Variants in NELL1 observed in about 807,000 individuals in gnomAD.
NELL1 encodes protein kinase C-binding protein NELL1.
NELL1 carries 76 observed loss-of-function variants against 107.4 expected under a neutral mutation model. That is an observed-to-expected ratio of 0.71 (90% CI 0.59 to 0.86). The LOEUF is 0.86. NELL1 is among the 40% of genes least tolerant of loss of function. NELL1 has a pLI of 0.00. For missense variants in NELL1, 1,024 were observed against 1,005.5 expected (o/e 1.02, Z -0.25); for synonymous variants, 353 against 341.2 (o/e 1.03, Z -0.38).
intron 2 of NELL1, among the ~76,000 whole-genome samples, chr11:20,757,409 G>A (rs547985959): frequency 9.9e-5 from 15 of 152,128 alleles, no homozygotes; most frequent in Non-Finnish European, 2.2e-4. Context: ...CAGTAGGAAT[G>A]GTGAGACTCA....
intron 5 of NELL1, among the ~76,000 whole-genome samples, chr11:20,894,782 T>C (rs1261697591): frequency 6.6e-6 from 1 of 152,184 alleles, no homozygotes; most frequent in Admixed American, 6.5e-5. Context: ...TAATGTCTAA[T>C]AGAGATATGC....
Position 20,876,218 on chromosome 11 carries a change from G to A in NELL1, c.507-9226G>A, listed in dbSNP as rs545296233. ...CTTGGAATTCAATCCTTACCTGTTG[G>A]GGGCATACTGTATTCATCCCCATAG... On this transcript the variant is annotated intron_variant, in intron 4 of 19. Coordinates refer to ENST00000357134, the MANE Select transcript of NELL1 (RefSeq NM_006157.5). 5.9e-5 allele frequency among the ~76,000 whole-genome samples: 9 copies of A among 152,222 alleles called. No homozygotes were observed. The East Asian group carries it at 1.7e-3, about 29-fold the overall frequency.
intron 12 of NELL1, among the ~76,000 whole-genome samples, chr11:21,069,616 TC>T (rs1853962959): frequency 6.6e-6 from 1 of 152,204 alleles, no homozygotes; most frequent in African/African-American, 2.4e-5. Context: ...AAGCTACTCT[TC>T]CATACAAAGC....
intron 2 of NELL1, among the ~76,000 whole-genome samples, chr11:20,704,181 G>A (rs1430398787): frequency 3.3e-5 from 5 of 152,116 alleles, no homozygotes; most frequent in African/African-American, 1.2e-4. Context: ...TATGAATCTG[G>A]GAGCTGCTGT....
intron 15 of NELL1, among the ~76,000 whole-genome samples, chr11:21,409,959 A>T (rs1456722270): frequency 1.3e-5 from 2 of 152,226 alleles, no homozygotes; most frequent in South Asian, 4.1e-4. Context: ...AAATGAGTTT[A>T]AATTTTTTTA....
At chr11:20,857,551 T>A (rs1848905681) in intron 4 of NELL1, among the ~76,000 whole-genome samples, 1 of 152,168 alleles carries the variant, frequency 6.6e-6, no homozygotes. Flanking sequence ...GCAGGTCTCC[T>A]GTGAGTGTGG....
intron 13 of NELL1, among the ~76,000 whole-genome samples, chr11:21,177,268 T>G (rs1175477886): frequency 3.3e-5 from 5 of 151,744 alleles, no homozygotes; most frequent in African/African-American, 1.2e-4. Context: ...ATCTACCCCC[T>G]GCCATCTTTC....
intron 16 of NELL1, among the ~76,000 whole-genome samples, chr11:21,542,601 T>C (rs191454572): frequency 2.0e-4 from 31 of 152,136 alleles, no homozygotes; most frequent in African/African-American, 7.5e-4. Flanking sequence ...CACCTCAGCC[T>C]TGATAATACT....
At chr11:21,500,293 C>T (rs116120383) in intron 15 of NELL1, among the ~76,000 whole-genome samples, 2,305 of 152,060 alleles carry the variant, frequency 0.015, 58 homozygotes, top group African/African-American at 0.052. Flanking sequence ...CATGAGAGTT[C>T]TTATTTATGC....
At chr11:20,707,027 T>A (rs1253685185) in intron 2 of NELL1, among the ~76,000 whole-genome samples, 1 of 152,250 alleles carries the variant, frequency 6.6e-6, no homozygotes, top group African/African-American at 2.4e-5. Flanking sequence ...CTTGGTCTTT[T>A]CACATAGTCC....
chr11:21,061,208 A>G (rs1250001458), intron 12 of NELL1, among the ~76,000 whole-genome samples: 2 of 152,242 alleles, frequency 1.3e-5, no homozygotes, highest in Admixed American at 6.5e-5. Flanking sequence ...TGGAGTTTAT[A>G]TTCTGGTGGA....
At chr11:21,293,311 G>C (rs553517160) in intron 14 of NELL1, among the ~76,000 whole-genome samples, 45 of 152,132 alleles carry the variant, frequency 3.0e-4, no homozygotes, top group African/African-American at 1.0e-3. Flanking sequence ...AAGACATGCA[G>C]CTAACAAACA....
At chr11:21,358,267 C>T (rs536904687) in intron 14 of NELL1, among the ~76,000 whole-genome samples, 85 of 152,188 alleles carry the variant, frequency 5.6e-4, no homozygotes, top group Non-Finnish European at 9.7e-4. Context: ...TGATTCTACT[C>T]ATCCATGAGC....
At chr11:21,007,673 T>C (rs1482731317) in intron 12 of NELL1, among the ~76,000 whole-genome samples, 1 of 152,072 alleles carries the variant, frequency 6.6e-6, no homozygotes, top group African/African-American at 2.4e-5. Context: ...GAGGGACACC[T>C]GTACATTCAC....
At chr11:21,145,951 A>G (rs1350339847) in intron 13 of NELL1, among the ~76,000 whole-genome samples, 6 of 152,176 alleles carry the variant, frequency 3.9e-5, no homozygotes, top group Non-Finnish European at 7.3e-5. Context: ...CAGGGCCTAG[A>G]ACAAAGTAGG....
At chr11:20,701,270 C>G (rs1202554760) in intron 2 of NELL1, among the ~76,000 whole-genome samples, 2 of 152,122 alleles carry the variant, frequency 1.3e-5, no homozygotes, top group Non-Finnish European at 2.9e-5. Flanking sequence ...TCATGATGAG[C>G]ATTTTTTCAT....
At chr11:21,023,443 G>A (rs1249362271) in intron 12 of NELL1, among the ~76,000 whole-genome samples, 1 of 152,030 alleles carries the variant, frequency 6.6e-6, no homozygotes, top group Non-Finnish European at 1.5e-5. Flanking sequence ...GTGAATCTAA[G>A]GGGTTATCAC....
intron 15 of NELL1, among the ~76,000 whole-genome samples, chr11:21,478,267 C>T (rs1172888639): frequency 1.3e-5 from 2 of 152,056 alleles, no homozygotes; most frequent in East Asian, 1.9e-4. Context: ...CTCACCAGGT[C>T]CCTCCCTCGA....
At chr11:20,975,992 A>G (rs1030015737) in intron 12 of NELL1, among the ~76,000 whole-genome samples, 3 of 127,460 alleles carry the variant, frequency 2.4e-5, no homozygotes, top group African/African-American at 9.9e-5. Context: ...CTGTACATAT[A>G]TGTGTATTAT....
Sources: allele counts gnomAD v4.1 joint callset (sites outside exome capture counted in the v4.1 genomes callset), GRCh38; gene constraint gnomAD v4.1.1; transcripts MANE v1.5; gene names NCBI Gene and HGNC (gene_info 2026-07-23, HGNC 2026-07-21).